ASTN2: variants seen among roughly 807,000 people sequenced by gnomAD.
ASTN2 encodes astrotactin-2.
A neutral mutation model predicts 139.8 loss-of-function variants in ASTN2; 54 were observed. The observed-to-expected ratio is 0.39, with a 90% CI of 0.31 to 0.48. The LOEUF (loss-of-function observed/expected upper bound fraction) is 0.48. ASTN2 is among the 20% of genes least tolerant of loss of function. The probability of loss-of-function intolerance (pLI) is 0.95; values close to 1 mark genes in which losing one functional copy is unlikely to be tolerated. For synonymous variants in ASTN2, 756 were observed against 719.5 expected (o/e 1.05, Z -0.81); for missense variants, 1,565 against 1,725.1 (o/e 0.91, Z 1.64).
intron 17 of ASTN2, among the ~76,000 whole-genome samples, chr9:116,639,517 C>T (rs1429290004): frequency 6.6e-6 from 1 of 152,096 alleles, no homozygotes; most frequent in Non-Finnish European, 1.5e-5. Flanking sequence ...AGGCCCTTAC[C>T]ACCACTGTTG....
At position 116,488,452 on chromosome 9, in the gene ASTN2, C is replaced by T. The variant is rs188145569; in HGVS notation, c.3356-952G>A. Reference sequence around the variant, plus strand: ...TCTTGAAAAAAATAAAATAAAAATACAGATATGAACAAAAATTAAGTTATA... The same window carrying T: ...TCTTGAAAAAAATAAAATAAAAATATAGATATGAACAAAAATTAAGTTATA... On this transcript the variant is annotated intron_variant, in intron 19 of 22. Transcript: ENST00000313400. Among the ~76,000 whole-genome samples the T allele has an allele frequency of 1.1e-4, 17 of 152,074 alleles. No individual in the cohort carries two copies. The South Asian group carries it at 2.1e-3, about 19-fold the overall frequency.
At chr9:116,737,469 G>GAA (rs1436596366) in intron 13 of ASTN2, among the ~76,000 whole-genome samples, 54 of 48,354 alleles carry the variant, frequency 1.1e-3, no homozygotes, top group Non-Finnish European at 2.2e-4. Context: ...GTGTGTGAAT[G>GAA]TGTGTGTGTG....
chr9:117,317,736 A>G (rs1275027954), intron 1 of ASTN2, among the ~76,000 whole-genome samples: 2 of 152,168 alleles, frequency 1.3e-5, no homozygotes, highest in African/African-American at 4.8e-5. Context: ...TTGACATCAA[A>G]GAAGAGACTG....
At chr9:117,313,630 A>C (rs1049420664) in intron 1 of ASTN2, among the ~76,000 whole-genome samples, 3 of 152,180 alleles carry the variant, frequency 2.0e-5, no homozygotes, top group African/African-American at 7.2e-5. Context: ...TATACAAGAC[A>C]TTGAGTGCCA....
chr9:117,134,303 C>T (rs914158650), intron 4 of ASTN2, among the ~76,000 whole-genome samples: 11,674 of 72,086 alleles, frequency 0.16, 505 homozygotes, highest in Non-Finnish European at 0.2. Context: ...TATACACACA[C>T]ACACACACAC....
intron 6 of ASTN2, among the ~76,000 whole-genome samples, chr9:117,016,682 AGGT>A (rs1837712216): frequency 3.0e-5 from 4 of 131,304 alleles, no homozygotes; most frequent in African/African-American, 1.3e-4. Flanking sequence ...ACATATATAT[AGGT>A]TATATATATA....
At chr9:117,163,318 G>C (rs923614264) in intron 3 of ASTN2, among the ~76,000 whole-genome samples, 1 of 152,040 alleles carries the variant, frequency 6.6e-6, no homozygotes, top group African/African-American at 2.4e-5. Context: ...TTCAGTAAAT[G>C]CTGGACTTTG....
chr9:117,089,176 T>C (rs1316704438), intron 5 of ASTN2, among the ~76,000 whole-genome samples: 1 of 152,182 alleles, frequency 6.6e-6, no homozygotes, highest in Non-Finnish European at 1.5e-5. Flanking sequence ...TGATGACATA[T>C]GATGTAAATA....
intron 13 of ASTN2, among the ~76,000 whole-genome samples, chr9:116,780,259 A>G (rs772330378): frequency 5.3e-5 from 8 of 152,242 alleles, no homozygotes; most frequent in Non-Finnish European, 1.2e-4. Context: ...ATAAGTAATA[A>G]TAACTGCACA....
At chr9:117,374,953 C>T (rs1425627132) in intron 1 of ASTN2, among the ~76,000 whole-genome samples, 1 of 152,174 alleles carries the variant, frequency 6.6e-6, no homozygotes, top group Non-Finnish European at 1.5e-5. Context: ...CCCACCCTGT[C>T]TTTTTCCAGT....
rs148057522 is a variant in ASTN2 at position 116,479,691 on chromosome 9, G to A, written c.3497+7668C>T. Among the ~76,000 whole-genome samples, 14 of 152,278 alleles carry A rather than the reference G, an allele frequency of 9.2e-5. No individual in the cohort carries two copies. In the East Asian group the frequency reaches 2.7e-3, roughly 29 times the overall value. ...GTGTGTGTAGTGCTGTGAGGACTGC[G>A]GGGAAGGGACAAAGTTTGAAATTCA... On this transcript the variant is annotated intron_variant, in intron 20 of 22. Transcript: ENST00000313400.
chr9:116,708,649 C>T (rs1355008985), intron 16 of ASTN2, among the ~76,000 whole-genome samples: 1 of 152,196 alleles, frequency 6.6e-6, no homozygotes, highest in Non-Finnish European at 1.5e-5. Context: ...CACTACCCCA[C>T]ACAAATTACC....
chr9:117,050,774 CCCT>C lies in ASTN2; in HGVS notation c.1277-10812_1277-10810del, dbSNP rs1199840338. Among the ~76,000 whole-genome samples, 3 of 152,052 alleles carry C rather than the reference CCCT, an allele frequency of 2.0e-5. No homozygotes were observed. The East Asian group carries it at 5.8e-4, about 29-fold the overall frequency. Reference sequence around the variant, plus strand: ...GGGGGCATTTTCACATCTCTGTGCTCCCTCCTCCTCACCTCTTTTTCCTGACAG... The same window carrying C: ...GGGGGCATTTTCACATCTCTGTGCTCCCTCCTCACCTCTTTTTCCTGACAG... On this transcript the variant is annotated intron_variant, in intron 5 of 22. Transcript: ENST00000313400.
intron 11 of ASTN2, among the ~76,000 whole-genome samples, chr9:116,830,806 G>GAAAAAAAAAAAAAAAAAAAAAAAAAAAAA (rs1564290827): frequency 6.9e-6 from 1 of 144,630 alleles, no homozygotes; most frequent in Non-Finnish European, 1.5e-5. Flanking sequence ...AAAAAAAAAA[G>GAAAAAAAAAAAAAAAAAAAAAAAAAAAAA]AAGAAGAAGA....
intron 10 of ASTN2, among the ~76,000 whole-genome samples, chr9:116,893,839 A>G (rs540674751): frequency 9.8e-4 from 149 of 152,136 alleles, no homozygotes; most frequent in African/African-American, 3.6e-3. Flanking sequence ...TGCCAGGTTA[A>G]CTCCTGCTGA....
intron 3 of ASTN2, among the ~76,000 whole-genome samples, chr9:117,187,374 T>A (rs967558696): frequency 1.3e-5 from 2 of 151,826 alleles, no homozygotes; most frequent in Non-Finnish European, 2.9e-5. Flanking sequence ...AAGATGATGA[T>A]GATGATGCTA....
intron 13 of ASTN2, among the ~76,000 whole-genome samples, chr9:116,745,380 C>T (rs1829206586): frequency 1.3e-5 from 2 of 152,320 alleles, no homozygotes; most frequent in South Asian, 4.1e-4. Flanking sequence ...GCAGCCTCCT[C>T]TGCGCTCTCT....
At chr9:117,326,996 C>A (rs1376120715) in intron 1 of ASTN2, among the ~76,000 whole-genome samples, 1 of 152,122 alleles carries the variant, frequency 6.6e-6, no homozygotes, top group Non-Finnish European at 1.5e-5. Context: ...GACAATTTTT[C>A]CACAGACCAG....
intron 6 of ASTN2, among the ~76,000 whole-genome samples, chr9:117,027,130 A>G: frequency 6.6e-6 from 1 of 152,302 alleles, no homozygotes; most frequent in East Asian, 1.9e-4. Context: ...ATTCCAATAA[A>G]AATGAACATT....
Sources: gnomAD v4.1 joint callset for allele counts (sites outside exome capture counted in the v4.1 genomes callset) on GRCh38, gnomAD v4.1.1 for gene constraint, MANE v1.5 for transcripts, NCBI Gene and HGNC (gene_info 2026-07-23, HGNC 2026-07-21) for gene names.